OR9Q1: variants seen among roughly 807,000 people sequenced by gnomAD.
OR9Q1 encodes olfactory receptor 9Q1.
For synonymous variants in OR9Q1, 153 were observed against 148.6 expected, an observed-to-expected ratio of 1.03 and a Z score of -0.22; for missense variants, 374 against 378.8, an observed-to-expected ratio of 0.99 and a Z score of 0.11.
At chr11:58,125,635 A>C (rs1392129188) in intron 2 of OR9Q1, 2 of 152,206 alleles carry the variant, frequency 1.3e-5, no homozygotes, top group South Asian at 2.1e-4. Context: ...CAGTGATCTC[A>C]GTGGTTTTCC....
At chr11:58,031,649 C>T (rs141206934) in intron 1 of OR9Q1, 82 of 1,613,836 alleles carry the variant, frequency 5.1e-5, no homozygotes, top group African/African-American at 9.3e-5. Context: ...GCTGCACATC[C>T]GCTCAGCTGC....
At chr11:58,102,917 T>A (rs191576851) in intron 2 of OR9Q1, among the ~76,000 whole-genome samples, 1 of 152,190 alleles carries the variant, frequency 6.6e-6, no homozygotes, top group Non-Finnish European at 1.5e-5. Flanking sequence ...CACTTAGCGG[T>A]GTCCCATAAG....
At chr11:58,067,189 G>A (rs575799841) in intron 2 of OR9Q1, among the ~76,000 whole-genome samples, 1 of 151,998 alleles carries the variant, frequency 6.6e-6, no homozygotes, top group Non-Finnish European at 1.5e-5. Flanking sequence ...CTGCCACCAT[G>A]CCTGGCTAAT....
chr11:58,087,755 C>G (rs947200988), intron 2 of OR9Q1, among the ~76,000 whole-genome samples: 10 of 151,622 alleles, frequency 6.6e-5, no homozygotes, highest in Admixed American at 5.3e-4. Context: ...GTGAGGTTCC[C>G]CTCCCTGTGT....
At chr11:58,027,196 G>C (rs1019598377) in intron 1 of OR9Q1, among the ~76,000 whole-genome samples, 8 of 152,228 alleles carry the variant, frequency 5.3e-5, no homozygotes, top group African/African-American at 1.9e-4. Flanking sequence ...CTGGGTATCA[G>C]TTGTCCCCCG....
At chr11:58,160,438 TTTGTTGTTGTTGTTGTTGTTGTTGTTG>T in intron 2 of OR9Q1, among the ~76,000 whole-genome samples, 1 of 150,202 alleles carries the variant, frequency 6.7e-6, no homozygotes, top group South Asian at 2.1e-4. Context: ...GAGTAGAATA[TTTGTTGTTGTTGTTGTTGTTGTTGTTG>T]TTGTTGTTGT....
At chr11:58,169,158 G>A (rs544783321) in intron 2 of OR9Q1, among the ~76,000 whole-genome samples, 1 of 152,080 alleles carries the variant, frequency 6.6e-6, no homozygotes, top group Non-Finnish European at 1.5e-5. Context: ...CAGTAGAGTG[G>A]ATGCCAAATT....
At chr11:58,134,770 A>G (rs917156612) in intron 2 of OR9Q1, among the ~76,000 whole-genome samples, 2 of 152,078 alleles carry the variant, frequency 1.3e-5, no homozygotes, top group Non-Finnish European at 1.5e-5. Flanking sequence ...ATTTTGTGGT[A>G]TGGTGGAAAG....
chr11:58,160,910 CACTTA>C (rs962058099), intron 2 of OR9Q1, among the ~76,000 whole-genome samples: 4 of 152,294 alleles, frequency 2.6e-5, no homozygotes, highest in East Asian at 3.9e-4. Flanking sequence ...CAAGAGATTT[CACTTA>C]ACTTAATCAA....
intron 2 of OR9Q1, chr11:58,171,346 A>G (rs1854552689): frequency 6.6e-6 from 1 of 152,314 alleles, no homozygotes; most frequent in Admixed American, 6.6e-5. Context: ...CTGACCCTGA[A>G]TTGGGTGATA....
chr11:58,179,182 A>G (rs993232792), intron 2 of OR9Q1, among the ~76,000 whole-genome samples: 11 of 151,228 alleles, frequency 7.3e-5, no homozygotes, highest in Non-Finnish European at 1.5e-4. Context: ...ACCACCATGC[A>G]TGGCTAATTT....
intron 1 of OR9Q1, among the ~76,000 whole-genome samples, chr11:58,053,374 C>G (rs1402279414): frequency 2.1e-5 from 3 of 142,980 alleles, no homozygotes; most frequent in Non-Finnish European, 3.0e-5. Context: ...CACATGTTCT[C>G]ACTCATAGGT....
chr11:58,095,733 G>A (rs771546024), intron 2 of OR9Q1, among the ~76,000 whole-genome samples: 9 of 152,132 alleles, frequency 5.9e-5, no homozygotes, highest in Non-Finnish European at 1.3e-4. Flanking sequence ...CATGGCGAGT[G>A]GGGATTATGG....
At chr11:58,140,744 G>A (rs1854239557) in intron 2 of OR9Q1, among the ~76,000 whole-genome samples, 1 of 152,074 alleles carries the variant, frequency 6.6e-6, no homozygotes, top group Non-Finnish European at 1.5e-5. Flanking sequence ...TTGTTCTTTT[G>A]GCTTAGGATT....
At chr11:58,043,648 T>C (rs755688185) in intron 1 of OR9Q1, among the ~76,000 whole-genome samples, 1 of 152,252 alleles carries the variant, frequency 6.6e-6, no homozygotes, top group African/African-American at 2.4e-5. Flanking sequence ...ATATCCTTAT[T>C]ATGCTTCATT....
At chr11:58,068,813 G>A (rs2514198) in intron 2 of OR9Q1, among the ~76,000 whole-genome samples, 145,778 of 152,190 alleles carry the variant, frequency 0.96, 70,147 homozygotes, top group East Asian at 1. Flanking sequence ...GTTTGGTGGG[G>A]GGCAAGTGGG....
intron 2 of OR9Q1, among the ~76,000 whole-genome samples, chr11:58,079,639 C>A (rs1351490544): frequency 1.3e-5 from 2 of 152,064 alleles, no homozygotes; most frequent in African/African-American, 4.8e-5. Flanking sequence ...AGGCTTTGAG[C>A]CTGCTGTTTT....
At chr11:58,118,611 A>C in intron 2 of OR9Q1, 16 of 1,614,040 alleles carry the variant, frequency 9.9e-6, no homozygotes, top group Non-Finnish European at 1.4e-5. Flanking sequence ...TGACCACTGT[A>C]TAGAAGACAG....
chr11:58,091,825 G>C (rs1280022941), intron 2 of OR9Q1, among the ~76,000 whole-genome samples: 1 of 152,134 alleles, frequency 6.6e-6, no homozygotes, highest in African/African-American at 2.4e-5. Context: ...GTGTACTCCT[G>C]TATTGGGTGC....
Sources: allele counts gnomAD v4.1 joint callset (sites outside exome capture counted in the v4.1 genomes callset), GRCh38; gene constraint gnomAD v4.1.1; transcripts MANE v1.5; gene names NCBI Gene and HGNC (gene_info 2026-07-23, HGNC 2026-07-21).